Variants in RAB11FIP3 observed in about 807,000 individuals in gnomAD.
The protein encoded by RAB11FIP3 is RAB11 family interacting protein 3, also known as rab11 family-interacting protein 3.
A neutral mutation model predicts 77.8 loss-of-function variants in RAB11FIP3; 17 were observed. That is an observed-to-expected ratio of 0.22 (90% CI 0.15 to 0.33). The LOEUF is 0.33. Among genes scored for constraint, RAB11FIP3 ranks in the 10% least tolerant of loss-of-function variants. The pLI is 1.00. For synonymous variants in RAB11FIP3, 437 were observed against 448.2 expected (o/e 0.98, Z 0.31); for missense variants, 1,005 against 1,011.2 (o/e 0.99, Z 0.08).
chr16:455,682 A>ACCTCCCAGGCTCAGGCAAT (rs1413380114), intron 1 of RAB11FIP3, among the ~76,000 whole-genome samples: 2 of 151,822 alleles, frequency 1.3e-5, no homozygotes, highest in Admixed American at 6.6e-5. Flanking sequence ...TGCAGCCTCA[A>ACCTCCCAGGCTCAGGCAAT]CCTCCCAGGC....
At chr16:490,619 C>T (rs1368406463) in intron 5 of RAB11FIP3, among the ~76,000 whole-genome samples, 3 of 152,168 alleles carry the variant, frequency 2.0e-5, no homozygotes, top group Admixed American at 6.5e-5. Flanking sequence ...CCACCATGCC[C>T]GGCTTTAACG....
intron 6 of RAB11FIP3, among the ~76,000 whole-genome samples, chr16:498,797 G>A (rs1030640224): frequency 4.0e-5 from 6 of 151,792 alleles, no homozygotes; most frequent in Non-Finnish European, 8.8e-5. Context: ...GAGCCACCGC[G>A]TCCCACTTGT....
intron 2 of RAB11FIP3, among the ~76,000 whole-genome samples, chr16:468,150 G>A (rs2055743756): frequency 1.0e-5 from 1 of 96,450 alleles, no homozygotes; most frequent in Non-Finnish European, 2.1e-5. Context: ...CAGGGAGGAG[G>A]TGCAGGGGCC....
chr16:476,045 AG>A (rs1280441011), intron 3 of RAB11FIP3, among the ~76,000 whole-genome samples: 2 of 152,242 alleles, frequency 1.3e-5, no homozygotes, highest in South Asian at 2.1e-4. Context: ...TAGGAGAAAC[AG>A]GGTTTCACCA....
chr16:460,522 A>G (rs2141647160), intron 1 of RAB11FIP3, among the ~76,000 whole-genome samples: 1 of 152,200 alleles, frequency 6.6e-6, no homozygotes, highest in African/African-American at 2.4e-5. Context: ...ACTTGGCAGA[A>G]TAAACCTGCA....
In RAB11FIP3 at chr16:522,617, C is replaced by G. The variant is rs368124346; in HGVS notation, c.*1778C>G. Reference sequence around the variant, plus strand: ...AACCCAGCAGACCTGCCTGGCTCTGCAGCTTGGTCAGACTAAGACCCTTCC... The same window carrying G: ...AACCCAGCAGACCTGCCTGGCTCTGGAGCTTGGTCAGACTAAGACCCTTCC... On this transcript the variant is annotated 3_prime_UTR_variant, in exon 14 of 14. Transcript: ENST00000262305. 6 of 152,360 alleles carry G rather than the reference C, an allele frequency of 3.9e-5. No homozygotes were observed. In the South Asian group the frequency reaches 6.2e-4, roughly 16 times the overall value. The allele number at this position is 152,360 out of a possible 1,614,324, so 9.4% of individuals were successfully genotyped here.
At chr16:442,042 G>A (rs896248092) in intron 1 of RAB11FIP3, among the ~76,000 whole-genome samples, 8 of 152,174 alleles carry the variant, frequency 5.3e-5, no homozygotes, top group Non-Finnish European at 1.2e-4. Context: ...GTTTCACCGT[G>A]TTAGCCAGGG....
chr16:493,934 C>G (rs1167761454), intron 5 of RAB11FIP3, among the ~76,000 whole-genome samples: 2 of 141,546 alleles, frequency 1.4e-5, no homozygotes, highest in Non-Finnish European at 3.0e-5. Flanking sequence ...GACAGAGTCT[C>G]GATCTGTCAC....
chr16:446,055 T>C (rs1365457743), intron 1 of RAB11FIP3, among the ~76,000 whole-genome samples: 3 of 152,078 alleles, frequency 2.0e-5, no homozygotes, highest in African/African-American at 7.2e-5. Flanking sequence ...TCTTGGGGAA[T>C]GGGAGCTTTG....
intron 1 of RAB11FIP3, among the ~76,000 whole-genome samples, chr16:434,144 C>T (rs1240522962): frequency 6.6e-6 from 1 of 152,110 alleles, no homozygotes; most frequent in Non-Finnish European, 1.5e-5. Context: ...TTTTTTGAGA[C>T]AGAGTTCACT....
At chr16:428,100 CAA>C (rs10669000) in intron 1 of RAB11FIP3, among the ~76,000 whole-genome samples, 1 of 143,748 alleles carries the variant, frequency 7.0e-6, no homozygotes. Context: ...GACTTCGTCT[CAA>C]AAAAAAAAAA....
At chr16:487,194 G>A (rs1202809776) in intron 4 of RAB11FIP3, among the ~76,000 whole-genome samples, 3 of 150,102 alleles carry the variant, frequency 2.0e-5, no homozygotes, top group Non-Finnish European at 4.4e-5. Context: ...GCAGTGGCGC[G>A]ATCTCGGCTC....
chr16:443,118 C>T (rs1482168068), intron 1 of RAB11FIP3, among the ~76,000 whole-genome samples: 6 of 152,078 alleles, frequency 3.9e-5, no homozygotes, highest in Non-Finnish European at 7.4e-5. Context: ...GAAGCCAGCC[C>T]TGTGATGCAT....
intron 4 of RAB11FIP3, among the ~76,000 whole-genome samples, chr16:487,938 G>T (rs1023179263): frequency 6.6e-6 from 1 of 151,410 alleles, no homozygotes; most frequent in Non-Finnish European, 1.5e-5. Flanking sequence ...AGGCAGAGGT[G>T]CTTGAACCCA....
rs182826542 is a variant in RAB11FIP3, at chr16:472,056, G to A, written c.903+667G>A. Among the ~76,000 whole-genome samples, 54 of 152,340 alleles carry A rather than the reference G, an allele frequency of 3.5e-4. No individual in the cohort carries two copies. Among genetic ancestry groups the A allele is most frequent in the Non-Finnish European group, 4.1e-4 (28 of 68,032 alleles). On this transcript the variant is annotated intron_variant, in intron 3 of 13. Coordinates refer to ENST00000262305, the MANE Select transcript of RAB11FIP3 (RefSeq NM_014700.4). The surrounding 1 kb of genome is among the most constrained non-coding windows in gnomAD (Gnocchi z 4.1). ...CGCCAGTCCTGGTCAGCCTGCTGCC[G>A]AGCAAGGGTACCAGAAGTGGGGCTG...
At chr16:518,215 G>T (rs955560576) in intron 9 of RAB11FIP3, among the ~76,000 whole-genome samples, 2 of 152,210 alleles carry the variant, frequency 1.3e-5, no homozygotes, top group African/African-American at 4.8e-5. Flanking sequence ...AGTAGCTGGA[G>T]CTACAGGCAT....
chr16:503,171 C>G, intron 7 of RAB11FIP3, 74 bp downstream of exon 7: 1 of 1,265,662 alleles, frequency 7.9e-7, no homozygotes, highest in Non-Finnish European at 1.1e-6. Flanking sequence ...CCGCTGCAGA[C>G]ACCCCGGGAG....
At chr16:445,380 A>C (rs970721314) in intron 1 of RAB11FIP3, among the ~76,000 whole-genome samples, 1 of 151,806 alleles carries the variant, frequency 6.6e-6, no homozygotes, top group Non-Finnish European at 1.5e-5. Context: ...CGGAGTTTAC[A>C]GTGAGCTGAG....
At chr16:497,333 A>T in intron 6 of RAB11FIP3, 2 of 1,304,102 alleles carry the variant, frequency 1.5e-6, no homozygotes, top group Non-Finnish European at 2.0e-6. Flanking sequence ...AAAGATGGCA[A>T]CATACACTTT....
Sources: allele counts gnomAD v4.1 joint callset (sites outside exome capture counted in the v4.1 genomes callset), GRCh38; gene constraint gnomAD v4.1.1; non-coding constraint Gnocchi (gnomAD v3.1); transcripts MANE v1.5; gene names NCBI Gene and HGNC (gene_info 2026-07-23, HGNC 2026-07-21).